Variants in CDCP1 observed in about 807,000 individuals in gnomAD.
CDCP1 encodes CUB domain-containing protein 1.
In CDCP1, 29 loss-of-function variants were observed where a neutral mutation model predicts 60.2. The observed-to-expected ratio is 0.48, with a 90% CI of 0.36 to 0.66. The LOEUF is 0.66. CDCP1 is among the 30% of genes least tolerant of loss of function. The pLI is 0.00. For synonymous variants in CDCP1, 387 were observed against 431.1 expected, an observed-to-expected ratio of 0.90 and a Z score of 1.27; for missense variants, 876 against 1,074.3, an observed-to-expected ratio of 0.82 and a Z score of 2.58.
At chr3:45,095,738 C>T (rs1224760899) in intron 4 of CDCP1, among the ~76,000 whole-genome samples, 170 bp from the exon 5 acceptor site, 1 of 151,738 alleles carries the variant, frequency 6.6e-6, no homozygotes, top group Non-Finnish European at 1.5e-5. Context: ...CTATAAAAGA[C>T]AGTTAAAAAG....
At chr3:45,128,468 AGT>A (rs1699037225) in intron 1 of CDCP1, among the ~76,000 whole-genome samples, 1 of 152,218 alleles carries the variant, frequency 6.6e-6, no homozygotes, top group Non-Finnish European at 1.5e-5. Context: ...CCACCCCCTC[AGT>A]GAGAGAGACA....
At chr3:45,104,593 C>T (rs1698530860) in intron 4 of CDCP1, among the ~76,000 whole-genome samples, 1 of 152,154 alleles carries the variant, frequency 6.6e-6, no homozygotes, top group Non-Finnish European at 1.5e-5. Context: ...CTCACCCTCA[C>T]AACATGGGGG....
chr3:45,135,631 A>C (rs567738014), intron 1 of CDCP1, among the ~76,000 whole-genome samples: 3 of 152,290 alleles, frequency 2.0e-5, no homozygotes, highest in African/African-American at 7.2e-5. Context: ...GCCATTTTAA[A>C]TATAAAAATA....
rs1418966807 is a variant in CDCP1, at chr3:45,083,095, G to C, written c.*2543C>G. ...AATCCCACCTTGGGTGGAATGCAGGGCACCTAGTCCTGCTTGGAAGGGGCT... is the reference window on the plus strand; with the variant it reads ...AATCCCACCTTGGGTGGAATGCAGGCCACCTAGTCCTGCTTGGAAGGGGCT... On this transcript the variant is annotated 3_prime_UTR_variant, in exon 9 of 9. Transcript: ENST00000296129. 6.6e-6 allele frequency: 1 copy of C among 152,238 alleles called. No individual in the cohort carries two copies. The allele number at this position is 152,238 out of a possible 1,614,324, so 9.4% of individuals were successfully genotyped here. A position where few individuals can be genotyped will look rare whatever the true frequency, so the allele number is the denominator to read the frequency against.
chr3:45,112,069 A>C lies in CDCP1; in HGVS notation c.655+14T>G. 6.2e-7 allele frequency: 1 copy of C among 1,608,892 alleles called. No individual in the cohort carries two copies. Among genetic ancestry groups the C allele is most frequent in the Non-Finnish European group, 8.5e-7 (1 of 1,176,944 alleles). ...GTTTTAACCTAATCAGATAGCAGGGAGGGGCTTTCTCACGTTTTATAGATG... is the reference window on the plus strand; with the variant it reads ...GTTTTAACCTAATCAGATAGCAGGGCGGGGCTTTCTCACGTTTTATAGATG... On this transcript the variant is annotated intron_variant, in intron 3 of 8. Coordinates refer to ENST00000296129, the MANE Select transcript of CDCP1 (RefSeq NM_022842.5).
chr3:45,106,430 C>T (rs568330535), intron 4 of CDCP1, among the ~76,000 whole-genome samples: 3 of 152,316 alleles, frequency 2.0e-5, no homozygotes, highest in East Asian at 1.9e-4. Context: ...GGGTGCCCCA[C>T]TTCACTGTAT....
At chr3:45,103,095 A>G (rs1698508342) in intron 4 of CDCP1, among the ~76,000 whole-genome samples, 2 of 152,140 alleles carry the variant, frequency 1.3e-5, no homozygotes, top group Non-Finnish European at 2.9e-5. Context: ...GAACATTCTT[A>G]TCATCCCAGA....
intron 2 of CDCP1, 108 bp from the exon 3 acceptor site, chr3:45,112,553 A>G (rs754311868): frequency 4.0e-6 from 6 of 1,492,380 alleles, no homozygotes; most frequent in South Asian, 1.3e-5. Flanking sequence ...GGCTCCCCCA[A>G]GGTGGCCTTT....
chr3:45,087,087 T>G (rs940699710), intron 8 of CDCP1, among the ~76,000 whole-genome samples: 8 of 151,794 alleles, frequency 5.3e-5, no homozygotes, highest in Non-Finnish European at 1.0e-4. Context: ...GCTCTTCTCA[T>G]GCTATCCTGA....
intron 1 of CDCP1, among the ~76,000 whole-genome samples, chr3:45,125,793 G>A (rs1454227973): frequency 6.6e-6 from 1 of 152,210 alleles, no homozygotes; most frequent in Non-Finnish European, 1.5e-5. Context: ...AAGCAAGTAT[G>A]AGTGCCTCCT....
intron 4 of CDCP1, among the ~76,000 whole-genome samples, chr3:45,103,981 C>G (rs183209349): frequency 3.3e-5 from 5 of 152,312 alleles, no homozygotes; most frequent in Admixed American, 3.3e-4. Context: ...AGACAATTCT[C>G]CCAGGTGGTC....
intron 1 of CDCP1, among the ~76,000 whole-genome samples, chr3:45,130,076 A>G (rs966838115): frequency 6.9e-6 from 1 of 143,908 alleles, no homozygotes; most frequent in East Asian, 1.9e-4. Context: ...CCTAAAAATT[A>G]TCCAGCTATA....
chr3:45,123,289 G>A lies in CDCP1; in HGVS notation c.83-4668C>T, dbSNP rs1576109638. 2.6e-5 allele frequency among the ~76,000 whole-genome samples: 4 copies of A among 152,248 alleles called. No homozygotes were observed. In the East Asian group the frequency reaches 5.8e-4, roughly 22 times the overall value. On this transcript the variant is annotated intron_variant, in intron 1 of 8. Coordinates refer to ENST00000296129, the MANE Select transcript of CDCP1 (RefSeq NM_022842.5). ...CTGGCTGAGATGATCAACCCAGCAC[G>A]TTCTACTGTCCAGCTGTAGTTTGTA...
chr3:45,146,072 A>T, intron 1 of CDCP1, 134 bp downstream of exon 1: 1 of 755,454 alleles, frequency 1.3e-6, no homozygotes, highest in Non-Finnish European at 2.0e-6. Context: ...CATTTTGACT[A>T]CGCCGTCCCC....
chr3:45,110,666 C>T lies in CDCP1; in HGVS notation c.831G>A (p.Lys277=). The T allele has an allele frequency of 6.2e-7, 1 of 1,614,182 alleles. No homozygotes were observed. The highest frequency in any genetic ancestry group is 2.2e-5 in the East Asian group (1 of 44,886). ...LNFNLSNCER[K]EERVEYYIPG... ...GGATGTAGTATTCAACCCGCTCCTC[C>T]TTCCTCTCACAGTTGGAGAGGTTGA... The change falls in exon 4 of 9, where the codon AAG becomes AAA. Residue 277 remains lysine, a synonymous_variant. Coordinates refer to ENST00000296129, the MANE Select transcript of CDCP1 (RefSeq NM_022842.5).
chr3:45,104,843 C>T (rs1051740484), intron 4 of CDCP1, among the ~76,000 whole-genome samples: 2 of 152,126 alleles, frequency 1.3e-5, no homozygotes, highest in African/African-American at 2.4e-5. Context: ...CACCTGAGGT[C>T]GATTGTTTGA....
At chr3:45,145,526 C>G (rs1297266310) in intron 1 of CDCP1, among the ~76,000 whole-genome samples, 2 of 152,264 alleles carry the variant, frequency 1.3e-5, no homozygotes, top group East Asian at 3.9e-4. Context: ...AGTCCACTGC[C>G]AAAAAGTGCG....
At position 45,084,629 on chromosome 3, in the gene CDCP1, G is replaced by A. The variant is rs1006001249; in HGVS notation, c.*1009C>T. On this transcript the variant is annotated 3_prime_UTR_variant, in exon 9 of 9. Transcript: ENST00000296129. ...GAGCCTTCAGAAGGAGCACAGCTCT[G>A]CTGACACCTTGATTTTCATTCAGGG... 1 of 152,500 alleles carries A rather than the reference G, an allele frequency of 6.6e-6. No individual in the cohort carries two copies. Among genetic ancestry groups the A allele is most frequent in the African/African-American group, 2.4e-5 (1 of 41,440 alleles). 9.4% of individuals were successfully genotyped at this position (152,500 alleles called of 1,614,324 possible).
chr3:45,109,565 A>G (rs1275828287), intron 4 of CDCP1, among the ~76,000 whole-genome samples: 1 of 152,096 alleles, frequency 6.6e-6, no homozygotes, highest in Non-Finnish European at 1.5e-5. Context: ...CACATCATGC[A>G]TGAGGCCCAG....
Sources: allele counts gnomAD v4.1 joint callset (sites outside exome capture counted in the v4.1 genomes callset), GRCh38; gene constraint gnomAD v4.1.1; transcripts MANE v1.5; gene names NCBI Gene and HGNC (gene_info 2026-07-23, HGNC 2026-07-21).